Variants in RPH3AL observed in about 807,000 individuals in gnomAD.
RPH3AL encodes the protein rab effector Noc2.
RPH3AL carries 38 observed loss-of-function variants against 43.1 expected under a neutral mutation model. The observed-to-expected ratio is 0.88, with a 90% CI of 0.68 to 1.15. The LOEUF (loss-of-function observed/expected upper bound fraction) is 1.15, where lower values mean the gene tolerates loss of function less well. Among genes scored for constraint, RPH3AL ranks in the 50% most tolerant of loss-of-function variants. The probability of loss-of-function intolerance (pLI) is 0.00; values close to 1 mark genes in which losing one functional copy is unlikely to be tolerated. For missense variants in RPH3AL, 462 were observed against 423.2 expected (o/e 1.09, Z -0.81); for synonymous variants, 189 against 176.3 (o/e 1.07, Z -0.57).
chr17:214,020 G>T, intron 9 of RPH3AL, 97 bp from the exon 10 acceptor site: 1 of 898,878 alleles, frequency 1.1e-6, no homozygotes, highest in Non-Finnish European at 1.7e-6. Context: ...TGGAGGAGCT[G>T]GTGGGGAAGG....
chr17:267,258 G>A (rs2042346044), intron 6 of RPH3AL, among the ~76,000 whole-genome samples: 1 of 152,172 alleles, frequency 6.6e-6, no homozygotes, highest in Non-Finnish European at 1.5e-5. Flanking sequence ...CTTTCAACTG[G>A]CACGCGGCAT....
Position 213,400 on chromosome 17 carries a change from C to T in RPH3AL, c.*452G>A. The T allele has an allele frequency of 4.8e-6, 1 of 208,562 alleles. No individual in the cohort carries two copies. The highest frequency in any genetic ancestry group is 9.9e-6 in the Non-Finnish European group (1 of 101,362). The allele number at this position is 208,562 out of a possible 1,614,324, so 12.9% of individuals were successfully genotyped here. On this transcript the variant is annotated 3_prime_UTR_variant, in exon 10 of 10. Coordinates refer to ENST00000331302, the MANE Select transcript of RPH3AL (RefSeq NM_006987.4). ...GGGTGGGTGAGTCTCCCCCTCACTG[C>T]TCTGGCTCTGATGCTCACCTCTAAG...
In RPH3AL at chr17:333,352, C is replaced by G; in HGVS notation, c.-37+407G>C. On this transcript the variant is annotated intron_variant, in intron 2 of 9. Coordinates refer to ENST00000331302, the MANE Select transcript of RPH3AL (RefSeq NM_006987.4). The surrounding 1 kb of genome is among the most constrained non-coding windows in gnomAD (Gnocchi z 4.5). ...CACCTTAAATTCTCACATCAGCCAC[C>G]CCCATGGCGACTCTTAACACCTTAA... is the stretch of plus-strand genomic sequence containing the variant. 1.6e-6 allele frequency: 2 copies of G among 1,221,600 alleles called. No individual in the cohort carries two copies. Among genetic ancestry groups the G allele is most frequent in the Non-Finnish European group, 2.1e-6 (2 of 930,274 alleles). The allele number at this position is 1,221,600 out of a possible 1,614,324, so 75.7% of individuals were successfully genotyped here.
intron 6 of RPH3AL, among the ~76,000 whole-genome samples, chr17:248,116 T>A (rs144465038): frequency 6.6e-6 from 1 of 152,280 alleles, no homozygotes; most frequent in Non-Finnish European, 1.5e-5. Flanking sequence ...CACGTGTACC[T>A]GCAGACACCT....
intron 7 of RPH3AL, among the ~76,000 whole-genome samples, chr17:224,705 G>A (rs34590665): frequency 0.096 from 14,584 of 152,074 alleles, 933 homozygotes; most frequent in Non-Finnish European, 0.14. Flanking sequence ...CAAAGACTTG[G>A]AACCAACCCA....
At position 213,755 on chromosome 17, in the gene RPH3AL, GGGTGTCTGGTGAGGGCACAAGGACC is replaced by G; in HGVS notation, c.*72_*96del. 1 of 968,130 alleles carries G rather than the reference GGGTGTCTGGTGAGGGCACAAGGACC, an allele frequency of 1.0e-6. No homozygotes were observed. The allele number at this position is 968,130 out of a possible 1,614,324, so 60.0% of individuals were successfully genotyped here. On this transcript the variant is annotated 3_prime_UTR_variant, in exon 10 of 10. Transcript: ENST00000331302. Reference sequence around the variant, plus strand: ...CTGGTTTGTTGAGTCATGGCCAACAGGGTGTCTGGTGAGGGCACAAGGACCGGTCAGGGAGGAGCCGGGCAGGGTC... The same window carrying G: ...CTGGTTTGTTGAGTCATGGCCAACAGGGTCAGGGAGGAGCCGGGCAGGGTC...
rs1323178459 is a variant in RPH3AL, at chr17:264,964, T to C, written c.438+16804A>G. ...AGAAATTATGCTTTGAAAGTAGATA[T>C]AAAAGAATCAGTTAACAAAACAAAT... On this transcript the variant is annotated intron_variant, in intron 6 of 9. Transcript: ENST00000331302. The surrounding 1 kb of genome is among the most constrained non-coding windows in gnomAD (Gnocchi z 4.8). 3.9e-5 allele frequency among the ~76,000 whole-genome samples: 6 copies of C among 152,148 alleles called. No individual in the cohort carries two copies. In the East Asian group the frequency reaches 5.8e-4, roughly 15 times the overall value.
At chr17:222,508 T>A (rs946053580) in intron 7 of RPH3AL, among the ~76,000 whole-genome samples, 1 of 152,194 alleles carries the variant, frequency 6.6e-6, no homozygotes, top group East Asian at 1.9e-4. Context: ...ACATGCACTG[T>A]GGGAGAAACT....
At chr17:327,620 G>C (rs1041961553) in intron 2 of RPH3AL, 41 bp from the exon 3 acceptor site, 5 of 1,364,238 alleles carry the variant, frequency 3.7e-6, no homozygotes, top group Non-Finnish European at 5.2e-6. Context: ...TGCATCATTG[G>C]CTGGGGTACA....
intron 7 of RPH3AL, among the ~76,000 whole-genome samples, chr17:238,270 A>AAG (rs974205731): frequency 6.6e-6 from 1 of 151,504 alleles, no homozygotes; most frequent in Non-Finnish European, 1.5e-5. Context: ...GAAAGAGAAA[A>AAG]AGAGAGAGAG....
intron 7 of RPH3AL, among the ~76,000 whole-genome samples, chr17:243,889 C>A (rs573155538): frequency 6.7e-6 from 1 of 150,084 alleles, no homozygotes; most frequent in African/African-American, 2.5e-5. Flanking sequence ...CTACTGATTA[C>A]ACTTCCTCTA....
intron 7 of RPH3AL, among the ~76,000 whole-genome samples, chr17:236,377 C>T (rs1474986678): frequency 2.0e-5 from 3 of 152,272 alleles, no homozygotes; most frequent in Non-Finnish European, 4.4e-5. Flanking sequence ...CCTGCCCTGC[C>T]TCAGCTCTGC....
chr17:276,504 G>A (rs887413970), intron 6 of RPH3AL, among the ~76,000 whole-genome samples: 2 of 152,288 alleles, frequency 1.3e-5, no homozygotes, highest in East Asian at 3.9e-4. Flanking sequence ...TGATCCTCCC[G>A]CCTCAACCTC....
chr17:309,735 C>A (rs2043597616), intron 5 of RPH3AL, among the ~76,000 whole-genome samples: 1 of 140,280 alleles, frequency 7.1e-6, no homozygotes, highest in Admixed American at 6.9e-5. Context: ...CAGGATACGG[C>A]ATGTCCCCTG....
intron 5 of RPH3AL, among the ~76,000 whole-genome samples, chr17:298,353 T>C (rs1478077657): frequency 1.3e-5 from 2 of 151,914 alleles, no homozygotes; most frequent in Non-Finnish European, 2.9e-5. Flanking sequence ...TCCGTAAAAA[T>C]ACCCTCTCCC....
At chr17:268,553 GTTTTTTTTTT>G (rs5818749) in intron 6 of RPH3AL, among the ~76,000 whole-genome samples, 8 of 74,538 alleles carry the variant, frequency 1.1e-4, no homozygotes, top group African/African-American at 1.6e-4. Flanking sequence ...ATGTTTTTGG[GTTTTTTTTTT>G]TTTTTTTTTT....
rs2042842826 is a variant in RPH3AL, at chr17:283,940, G to A, written c.352-2086C>T. The stretch of plus-strand genomic sequence containing the variant: ...CCACAACGTGGGCCTCTCCTCTCTG[G>A]GTAAAGGGGAGAGGAAGCACTGATG... On this transcript the variant is annotated intron_variant, in intron 5 of 9. Coordinates refer to ENST00000331302, the MANE Select transcript of RPH3AL (RefSeq NM_006987.4). The surrounding 1 kb of genome is among the most constrained non-coding windows in gnomAD (Gnocchi z 4.2). 6.6e-6 allele frequency among the ~76,000 whole-genome samples: 1 copy of A among 152,152 alleles called. No individual in the cohort carries two copies. The highest frequency in any genetic ancestry group is 2.4e-5 in the African/African-American group (1 of 41,422).
At chr17:260,708 C>G (rs781962647) in intron 6 of RPH3AL, among the ~76,000 whole-genome samples, 8 of 152,154 alleles carry the variant, frequency 5.3e-5, no homozygotes, top group Middle Eastern at 6.3e-3. Flanking sequence ...ACCTGACACA[C>G]ACTCACAATG....
intron 6 of RPH3AL, among the ~76,000 whole-genome samples, chr17:270,126 C>T (rs2042427254): frequency 1.3e-5 from 2 of 152,260 alleles, no homozygotes; most frequent in Non-Finnish European, 2.9e-5. Flanking sequence ...GATGCCGTGA[C>T]AGCAGCCCAG....
Sources: gnomAD v4.1 joint callset for allele counts (sites outside exome capture counted in the v4.1 genomes callset) on GRCh38, gnomAD v4.1.1 for gene constraint, Gnocchi (gnomAD v3.1) non-coding constraint, MANE v1.5 for transcripts, NCBI Gene and HGNC (gene_info 2026-07-23, HGNC 2026-07-21) for gene names.